LCLAT1: variants seen among roughly 807,000 people sequenced by gnomAD.
LCLAT1 encodes lysocardiolipin acyltransferase 1.
Under a neutral mutation model 30.7 loss-of-function variants are expected in LCLAT1, and 11 were observed. The ratio of observed to expected loss-of-function variants is 0.36; its 90% confidence interval spans 0.23 to 0.59. The LOEUF (loss-of-function observed/expected upper bound fraction) is 0.59. Ranked by LOEUF, LCLAT1 falls within the 20% of genes least tolerant of loss-of-function variation. The pLI, the probability that LCLAT1 is intolerant of heterozygous loss-of-function variation, is 0.77. For synonymous variants in LCLAT1, 155 were observed against 151.3 expected (o/e 1.02, Z -0.18); for missense variants, 402 against 458.6 (o/e 0.88, Z 1.13).
At chr2:30,527,797 G>T (rs1470977912) in intron 2 of LCLAT1, among the ~76,000 whole-genome samples, 2 of 152,090 alleles carry the variant, frequency 1.3e-5, no homozygotes, top group Admixed American at 1.3e-4. Flanking sequence ...TAAGTACCCG[G>T]TAAATATTTG....
intron 5 of LCLAT1, among the ~76,000 whole-genome samples, chr2:30,587,322 G>T (rs942723021): frequency 6.6e-6 from 1 of 150,424 alleles, no homozygotes; most frequent in Non-Finnish European, 1.5e-5. Flanking sequence ...AAACATGGTA[G>T]TTTTTTTTTT....
At chr2:30,548,500 T>C (rs1664528656) in intron 3 of LCLAT1, among the ~76,000 whole-genome samples, 2 of 152,170 alleles carry the variant, frequency 1.3e-5, no homozygotes, top group Admixed American at 6.5e-5. Context: ...TGTGAAGACC[T>C]GGGATTAATG....
At chr2:30,583,362 A>G (rs964312461) in intron 5 of LCLAT1, among the ~76,000 whole-genome samples, 3 of 152,222 alleles carry the variant, frequency 2.0e-5, no homozygotes, top group African/African-American at 7.2e-5. Flanking sequence ...TTAAAGTGCC[A>G]TCCAAAAATA....
intron 5 of LCLAT1, among the ~76,000 whole-genome samples, chr2:30,617,759 CT>C (rs1668063059): frequency 6.6e-6 from 1 of 152,102 alleles, no homozygotes; most frequent in African/African-American, 2.4e-5. Context: ...ATTTAAGCAT[CT>C]TTTCCTGGGC....
intron 5 of LCLAT1, 114 bp from the exon 6 acceptor site, chr2:30,640,003 G>A (rs1297955053): frequency 1.3e-6 from 1 of 745,802 alleles, no homozygotes; most frequent in African/African-American, 1.7e-5. Flanking sequence ...TTTGTTCATT[G>A]TGGTTCACAC....
At chr2:30,606,557 C>T (rs977543473) in intron 5 of LCLAT1, 4 of 141,744 alleles carry the variant, frequency 2.8e-5, no homozygotes, top group Non-Finnish European at 4.6e-5. Flanking sequence ...GAAACTGGAC[C>T]CCTTCCTTAC....
chr2:30,453,515 G>A (rs1164853709), intron 1 of LCLAT1, among the ~76,000 whole-genome samples: 5 of 152,084 alleles, frequency 3.3e-5, no homozygotes, highest in African/African-American at 1.2e-4. Flanking sequence ...TAGAGTTAGG[G>A]AGGAAACTGA....
intron 3 of LCLAT1, among the ~76,000 whole-genome samples, chr2:30,539,248 C>CTTTTTTTTT (rs72012748): frequency 4.4e-5 from 4 of 90,864 alleles, no homozygotes; most frequent in Admixed American, 4.3e-4. Context: ...CGCGCCAGGC[C>CTTTTTTTTT]TTTTTTTTTT....
intron 5 of LCLAT1, among the ~76,000 whole-genome samples, chr2:30,638,383 A>C (rs1669137375): frequency 1.3e-5 from 2 of 152,202 alleles, no homozygotes; most frequent in African/African-American, 4.8e-5. Context: ...TCCACACCTG[A>C]ATCTAGAATG....
At chr2:30,473,058 A>T (rs117602820) in intron 1 of LCLAT1, among the ~76,000 whole-genome samples, 1 of 152,338 alleles carries the variant, frequency 6.6e-6, no homozygotes, top group East Asian at 1.9e-4. Context: ...CCATATATCC[A>T]TGGCCTCACC....
Position 30,624,243 on chromosome 2 carries a change from A to G in LCLAT1, c.629-15874A>G, listed in dbSNP as rs140452179. Among the ~76,000 whole-genome samples the G allele has an allele frequency of 3.8e-3, 579 of 152,336 alleles. 6 individuals are homozygous for G. The highest frequency in any genetic ancestry group is 0.013 in the African/African-American group (544 of 41,576). Reference sequence around the variant, plus strand: ...AGGTATTCAGGCAACAACTAGCACAATGAATAGAATAGTACTTCACATCTC... The same window carrying G: ...AGGTATTCAGGCAACAACTAGCACAGTGAATAGAATAGTACTTCACATCTC... On this transcript the variant is annotated intron_variant, in intron 5 of 5. Transcript: ENST00000379509.
intron 1 of LCLAT1, among the ~76,000 whole-genome samples, chr2:30,475,859 T>G (rs1293778055): frequency 6.6e-6 from 1 of 152,210 alleles, no homozygotes; most frequent in Admixed American, 6.5e-5. Flanking sequence ...CCTTTATGCT[T>G]TGTTGAGATG....
chr2:30,454,066 G>C (rs1475577746), intron 1 of LCLAT1, among the ~76,000 whole-genome samples: 2 of 152,134 alleles, frequency 1.3e-5, no homozygotes, highest in Non-Finnish European at 2.9e-5. Context: ...TACTGTACTT[G>C]TGTGGCATTA....
Position 30,641,742 on chromosome 2 carries a change from GTAATATTTAA to G in LCLAT1, c.*1124_*1133del, listed in dbSNP as rs1441214871. 6.6e-6 allele frequency: 1 copy of G among 152,044 alleles called. No individual in the cohort carries two copies. Among genetic ancestry groups the G allele is most frequent in the African/African-American group, 2.4e-5 (1 of 41,394 alleles). The allele number at this position is 152,044 out of a possible 1,614,324, so 9.4% of individuals were successfully genotyped here. Reference sequence around the variant, plus strand: ...TAGTTTTAGCCTTCCTTTTTCAATAGTAATATTTAAACCCACTTTTGACCAATTGTTTGCC... The same window carrying G: ...TAGTTTTAGCCTTCCTTTTTCAATAGACCCACTTTTGACCAATTGTTTGCC... On this transcript the variant is annotated 3_prime_UTR_variant, in exon 6 of 6. Coordinates refer to ENST00000379509, the MANE Select transcript of LCLAT1 (RefSeq NM_001002257.3).
At chr2:30,454,704 C>T (rs996499426) in intron 1 of LCLAT1, among the ~76,000 whole-genome samples, 14 of 152,078 alleles carry the variant, frequency 9.2e-5, no homozygotes, top group African/African-American at 2.9e-4. Context: ...CCTCTTCGAC[C>T]TCCCAAAGTG....
chr2:30,525,677 A>T lies in LCLAT1; in HGVS notation c.87A>T (p.Leu29Phe), dbSNP rs573495146. The T allele has an allele frequency of 3.1e-5, 50 of 1,613,820 alleles. No individual in the cohort carries two copies. In the African/African-American group the frequency reaches 4.8e-4, roughly 16 times the overall value. The change falls in exon 2 of 6, where the codon TTA (leucine) becomes TTT (phenylalanine). Residue 29 changes from leucine to phenylalanine, a missense_variant. Coordinates refer to ENST00000379509, the MANE Select transcript of LCLAT1 (RefSeq NM_001002257.3). ...FGSIFMLSPF[L>F]PLMFVNPSWY... ...GCATTTTCATGCTGAGTCCCTTTTTACCTTTGATGTTTGTAAACCCATCTT... is the reference window on the plus strand; with the variant it reads ...GCATTTTCATGCTGAGTCCCTTTTTTCCTTTGATGTTTGTAAACCCATCTT...
rs950541178 is a variant in LCLAT1 at position 30,575,793 on chromosome 2, C to G, written c.628+7617C>G. Among the ~76,000 whole-genome samples, 3 of 152,072 alleles carry G rather than the reference C, an allele frequency of 2.0e-5. No homozygotes were observed. In the East Asian group the frequency reaches 5.8e-4, roughly 29 times the overall value. On this transcript the variant is annotated intron_variant, in intron 5 of 5. Transcript: ENST00000379509. ...AATTAAATGTTTCCTTTATTTGTAT[C>G]TCAGTGAGTTTCAGATTCTAATATG...
chr2:30,606,153 G>A (rs1004991974), intron 5 of LCLAT1: 4 of 612,968 alleles, frequency 6.5e-6, no homozygotes, highest in African/African-American at 2.0e-5. Flanking sequence ...TCGTGAAATT[G>A]GCCATACTGC....
chr2:30,520,127 C>T (rs1050494088), intron 1 of LCLAT1, among the ~76,000 whole-genome samples: 13 of 152,164 alleles, frequency 8.5e-5, no homozygotes, highest in Non-Finnish European at 1.6e-4. Context: ...TAACACTCAC[C>T]GCATGGCCCA....
Sources: gnomAD v4.1 joint callset for allele counts (sites outside exome capture counted in the v4.1 genomes callset) on GRCh38, gnomAD v4.1.1 for gene constraint, MANE v1.5 for transcripts, NCBI Gene and HGNC (gene_info 2026-07-23, HGNC 2026-07-21) for gene names.